Variants in ANKLE1 observed in about 807,000 individuals in gnomAD.
ANKLE1 encodes the protein ankyrin repeat and LEM domain containing 1.
ANKLE1 carries 59 observed loss-of-function variants against 56.2 expected under a neutral mutation model. The observed-to-expected ratio is 1.05, with a 90% CI of 0.85 to 1.30. ANKLE1 has a LOEUF of 1.30. ANKLE1 is among the 50% of genes most tolerant of loss of function. The probability of loss-of-function intolerance (pLI) is 0.00; values close to 1 mark genes in which losing one functional copy is unlikely to be tolerated. For missense variants in ANKLE1, 771 were observed against 816.1 expected (o/e 0.94, Z 0.67); for synonymous variants, 341 against 352.9 (o/e 0.97, Z 0.38).
rs1352533232 is a variant in ANKLE1 at position 17,283,569 on chromosome 19, G to A, written c.805G>A (p.Ala269Thr). 5 of 1,612,642 alleles carry A rather than the reference G, an allele frequency of 3.1e-6. No individual in the cohort carries two copies. ...GGTACCTAGGTCTCAGGGCACGGAG[G>A]CAGAACTGAATGCCCGTCTGCAGGC... ...QRVPRSQGTE[A>T]ELNARLQALT... The change falls in exon 5 of 9, where the codon GCA (alanine) becomes ACA (threonine). Residue 269 changes from alanine (A) to threonine (T), a missense_variant. Coordinates refer to ENST00000404085, the MANE Select transcript of ANKLE1 (RefSeq NM_152363.6).
In ANKLE1 at chr19:17,284,268, T is replaced by G. The variant is rs1259332658; in HGVS notation, c.1376+2T>G. 6.2e-7 allele frequency: 1 copy of G among 1,612,976 alleles called. No individual in the cohort carries two copies. Among genetic ancestry groups the G allele is most frequent in the Non-Finnish European group, 8.5e-7 (1 of 1,179,490 alleles). On this transcript the variant is annotated splice_donor_variant, in intron 6 of 8. Coordinates refer to ENST00000404085, the MANE Select transcript of ANKLE1 (RefSeq NM_152363.6). LOFTEE classifies it high-confidence loss of function. ...CACCTATCTGCTGCTGGACCCCAGG[T>G]ACTCAGGGCAGGAAAGCCCCAGAAA...
In ANKLE1 at chr19:17,282,053, G is replaced by T; in HGVS notation, c.63-4G>T. ...GGGGTCCACTCTGACCGCGGTGTTTGCAGGGCAGTAGAGGAGCTGCTGCGC... is the reference window on the plus strand; with the variant it reads ...GGGGTCCACTCTGACCGCGGTGTTTTCAGGGCAGTAGAGGAGCTGCTGCGC... On this transcript the variant is annotated splice_polypyrimidine_tract_variant and splice_region_variant and intron_variant, in intron 1 of 8. Transcript: ENST00000404085. 1.3e-6 allele frequency: 2 copies of T among 1,538,550 alleles called. No homozygotes were observed.
In ANKLE1 at chr19:17,285,767, C is replaced by A. The variant is rs143586031; in HGVS notation, c.1623C>A (p.His541Gln). Reference protein sequence around the residue: ...CGVVSLHCFQHVVAVEAYTRE... With the variant: ...CGVVSLHCFQQVVAVEAYTRE... ...TTGTGTCCCTACATTGCTTCCAGCA[C>A]GTGGTCGCTGTGGAGGCTTATACAC... The change falls in exon 8 of 9, where the codon CAC (histidine) becomes CAA (glutamine). Residue 541 changes from histidine (H) to glutamine (Q), a missense_variant. By Grantham distance (24) the His-to-Gln change is conservative (BLOSUM62 0). Coordinates refer to ENST00000404085, the MANE Select transcript of ANKLE1 (RefSeq NM_152363.6). 276 of 1,613,870 alleles carry A rather than the reference C, an allele frequency of 1.7e-4. 1 individual carries two copies. In the East Asian group the frequency reaches 6.1e-3, roughly 35 times the overall value.
In ANKLE1 at chr19:17,286,834, A is replaced by T; in HGVS notation, c.*282A>T. The T allele has an allele frequency of 7.8e-7, 1 of 1,281,490 alleles. No homozygotes were observed. The highest frequency in any genetic ancestry group is 9.9e-7 in the Non-Finnish European group (1 of 1,005,952). 79.4% of individuals were successfully genotyped at this position (1,281,490 alleles called of 1,614,324 possible). A position where few individuals can be genotyped will look rare whatever the true frequency, so the allele number is the denominator to read the frequency against. On this transcript the variant is annotated 3_prime_UTR_variant, in exon 9 of 9. Coordinates refer to ENST00000404085, the MANE Select transcript of ANKLE1 (RefSeq NM_152363.6). ...GGAGGAGGACAAGAAGGGAAGCAGA[A>T]GGTGCTTTGGAACAGTCCGGTGCTT...
chr19:17,284,558 AT>A (rs1307036739), intron 6 of ANKLE1, among the ~76,000 whole-genome samples: 2 of 150,832 alleles, frequency 1.3e-5, no homozygotes, highest in South Asian at 4.2e-4. Flanking sequence ...TAATTTTTGT[AT>A]TTTTAGTAGA....
intron 2 of ANKLE1, chr19:17,282,423 G>A (rs2073983203): frequency 2.3e-6 from 2 of 857,894 alleles, no homozygotes; most frequent in Non-Finnish European, 3.5e-6. Context: ...GCTGCGCTAG[G>A]ACCAAAGTGG....
Position 17,286,847 on chromosome 19 carries a change from C to T in ANKLE1, c.*295C>T. The T allele has an allele frequency of 3.3e-6, 4 of 1,208,192 alleles. No homozygotes were observed. Among genetic ancestry groups the T allele is most frequent in the African/African-American group, 1.6e-5 (1 of 64,326 alleles). 74.8% of individuals were successfully genotyped at this position (1,208,192 alleles called of 1,614,324 possible). ...AAGGGAAGCAGAAGGTGCTTTGGAA[C>T]AGTCCGGTGCTTCTGTAAGAGGCGT... On this transcript the variant is annotated 3_prime_UTR_variant, in exon 9 of 9. Coordinates refer to ENST00000404085, the MANE Select transcript of ANKLE1 (RefSeq NM_152363.6).
Position 17,286,568 on chromosome 19 carries a change from C to A in ANKLE1, c.*16C>A, listed in dbSNP as rs1258343399. ...CCGGGGCTGAGTGCTGGGGAGTTGG[C>A]CATCCAGCCTGGGGAGAAATGTTTG... is the stretch of plus-strand genomic sequence containing the variant. On this transcript the variant is annotated 3_prime_UTR_variant, in exon 9 of 9. Transcript: ENST00000404085. 1 of 1,592,814 alleles carries A rather than the reference C, an allele frequency of 6.3e-7. No individual in the cohort carries two copies. The highest frequency in any genetic ancestry group is 1.3e-5 in the African/African-American group (1 of 74,292).
intron 2 of ANKLE1, chr19:17,282,414 C>A: frequency 1.1e-6 from 1 of 889,580 alleles, no homozygotes; most frequent in Non-Finnish European, 1.7e-6. Context: ...TGGAATGGGG[C>A]TGCGCTAGGA....
At chr19:17,282,563 C>A in intron 2 of ANKLE1, 93 bp from the exon 3 acceptor site, 1 of 1,283,390 alleles carries the variant, frequency 7.8e-7, no homozygotes. Context: ...ATCCGGGAGG[C>A]CGAGAACGAA....
In ANKLE1 at chr19:17,286,666, G is replaced by GTGTT. The variant is rs1555719355; in HGVS notation, c.*117_*118insTTGT. On this transcript the variant is annotated 3_prime_UTR_variant, in exon 9 of 9. Coordinates refer to ENST00000404085, the MANE Select transcript of ANKLE1 (RefSeq NM_152363.6). The stretch of plus-strand genomic sequence containing the variant: ...AGAAGGGGTGTGTGTGTGTGTGTGT[G>GTGTT]TGTGTGTGTGTGTGTGTGTGTGTGT... 224 of 843,384 alleles carry GTGTT rather than the reference G, an allele frequency of 2.7e-4. 3 individuals are homozygous for GTGTT. The African/African-American group carries it at 3.6e-3, about 14-fold the overall frequency. The allele number at this position is 843,384 out of a possible 1,614,324, so 52.2% of individuals were successfully genotyped here.
rs757434258 is a variant in ANKLE1 at position 17,284,284 on chromosome 19, G to A, written c.1376+18G>A. ...GACCCCAGGTACTCAGGGCAGGAAA[G>A]CCCCAGAAATAGAAACTAGAAAATT... On this transcript the variant is annotated intron_variant, in intron 6 of 8. Coordinates refer to ENST00000404085, the MANE Select transcript of ANKLE1 (RefSeq NM_152363.6). 15 of 1,604,804 alleles carry A rather than the reference G, an allele frequency of 9.3e-6. No individual in the cohort carries two copies. The African/African-American group carries it at 1.6e-4, about 17-fold the overall frequency.
In ANKLE1 at chr19:17,283,480, C is replaced by G. The variant is rs745388044; in HGVS notation, c.716C>G (p.Pro239Arg). 1.9e-6 allele frequency: 3 copies of G among 1,613,098 alleles called. No individual in the cohort carries two copies. Among genetic ancestry groups the G allele is most frequent in the South Asian group, 1.1e-5 (1 of 91,078 alleles). Residue 239 changes from proline to arginine, a missense_variant, in exon 5 of 9, where the codon CCC becomes CGC. Physicochemically the swap from Pro to Arg is moderately radical, Grantham distance 103. Transcript: ENST00000404085. ...GAGGACCCAGCCTCGGACACTCCCC[C>G]CTGGGCTGGGTCATTGCCACCGACC... ...GAEDPASDTP[P>R]WAGSLPPTRQ...
At chr19:17,282,813 G>C in intron 3 of ANKLE1, 51 bp from the exon 4 acceptor site, 1 of 1,581,278 alleles carries the variant, frequency 6.3e-7, no homozygotes, top group Non-Finnish European at 8.5e-7. Flanking sequence ...CAGAGGGAGG[G>C]AAGGAAGGTA....
In ANKLE1 at chr19:17,282,741, G is replaced by T; in HGVS notation, c.301G>T (p.Asp101Tyr). The T allele has an allele frequency of 6.5e-7, 1 of 1,543,172 alleles. No individual in the cohort carries two copies. Among genetic ancestry groups the T allele is most frequent in the Non-Finnish European group, 8.7e-7 (1 of 1,150,958 alleles). The stretch of plus-strand genomic sequence containing the variant: ...GGAGCTGCTGCTGAGCCAAGGAGCG[G>T]ACCCGGCGCTGCGCGACCAGGTTGG... ...GLELLLSQGA[D>Y]PALRDQDGLR... The change falls in exon 3 of 9, where the codon GAC (aspartate) becomes TAC (tyrosine). Residue 101 changes from aspartate (D) to tyrosine (Y), a missense_variant. By Grantham distance (160) the Asp-to-Tyr change is radical (BLOSUM62 -3). Coordinates refer to ENST00000404085, the MANE Select transcript of ANKLE1 (RefSeq NM_152363.6).
Position 17,283,210 on chromosome 19 carries a change from C to A in ANKLE1, c.461-15C>A. 2 of 1,595,016 alleles carry A rather than the reference C, an allele frequency of 1.3e-6. No homozygotes were observed. Among genetic ancestry groups the A allele is most frequent in the Non-Finnish European group, 1.7e-6 (2 of 1,168,568 alleles). On this transcript the variant is annotated splice_polypyrimidine_tract_variant and intron_variant, in intron 4 of 8. Transcript: ENST00000404085. ...CCCTCCTCCTCTCCTCTCTGGCCCC[C>A]ACTCTCACCTGCAGCCCCAGGCCTC...
Position 17,286,443 on chromosome 19 carries a change from C to T in ANKLE1, c.1739C>T (p.Pro580Leu). 6.2e-7 allele frequency: 1 copy of T among 1,611,298 alleles called. No individual in the cohort carries two copies. The highest frequency in any genetic ancestry group is 8.5e-7 in the Non-Finnish European group (1 of 1,179,004). Reference protein sequence around the residue: ...HCYGVVAGWPPARRRRLGVHL... With the variant: ...HCYGVVAGWPLARRRRLGVHL... ...TATGGAGTGGTGGCAGGCTGGCCAC[C>T]TGCTCGTCGCCGGCGCTTGGGGGTG... Residue 580 changes from proline to leucine, a missense_variant, in exon 9 of 9, where the codon CCT (proline) becomes CTT (leucine). Transcript: ENST00000404085.
chr19:17,282,210 G>C lies in ANKLE1; in HGVS notation c.215+1G>C. On this transcript the variant is annotated splice_donor_variant, in intron 2 of 8. Coordinates refer to ENST00000404085, the MANE Select transcript of ANKLE1 (RefSeq NM_152363.6). LOFTEE classifies it high-confidence loss of function. ...GCCAAGGCGGGGACCCCAACGCTCG[G>C]TAAGATAGAGCCTGGGTCCGGGGCG... 1 of 1,496,378 alleles carries C rather than the reference G, an allele frequency of 6.7e-7. No individual in the cohort carries two copies. Among genetic ancestry groups the C allele is most frequent in the South Asian group, 1.3e-5 (1 of 77,158 alleles). 92.7% of individuals were successfully genotyped at this position (1,496,378 alleles called of 1,614,324 possible).
Position 17,285,826 on chromosome 19 carries a change from G to A in ANKLE1, c.1675+7G>A, listed in dbSNP as rs1303781024. On this transcript the variant is annotated splice_region_variant and intron_variant, in intron 8 of 8. Coordinates refer to ENST00000404085, the MANE Select transcript of ANKLE1 (RefSeq NM_152363.6). ...TGTATTGTGGAAGCCCTAGGTGGGTGCCTGGTACCTAGAATGGGGGTCATA... is the reference window on the plus strand; with the variant it reads ...TGTATTGTGGAAGCCCTAGGTGGGTACCTGGTACCTAGAATGGGGGTCATA... 1 of 1,613,170 alleles carries A rather than the reference G, an allele frequency of 6.2e-7. No homozygotes were observed. Among genetic ancestry groups the A allele is most frequent in the Non-Finnish European group, 8.5e-7 (1 of 1,179,782 alleles).
Sources: gnomAD v4.1 joint callset for allele counts (sites outside exome capture counted in the v4.1 genomes callset) on GRCh38, gnomAD v4.1.1 for gene constraint, MANE v1.5 for transcripts, NCBI Gene and HGNC (gene_info 2026-07-23, HGNC 2026-07-21) for gene names.